The following MAP2K1 variants were observed in gnomAD, a reference collection of about 807,000 sequenced individuals.
The protein encoded by MAP2K1 is dual specificity mitogen-activated protein kinase kinase 1.
Under a neutral mutation model 46.3 loss-of-function variants are expected in MAP2K1, and 16 were observed. The observed-to-expected ratio is 0.35, with a 90% CI of 0.23 to 0.52. The LOEUF (loss-of-function observed/expected upper bound fraction) is 0.52. MAP2K1 is among the 20% of genes least tolerant of loss of function. MAP2K1 has a pLI of 0.94. For synonymous variants in MAP2K1, 183 were observed against 185.6 expected (o/e 0.99, Z 0.11); for missense variants, 263 against 497.1 (o/e 0.53, Z 4.48).
intron 1 of MAP2K1, 119 bp from the exon 2 acceptor site, chr15:66,434,908 C>T (rs118145095): frequency 1.1e-4 from 89 of 795,064 alleles, no homozygotes; most frequent in Non-Finnish European, 2.0e-4. Context: ...CCTCTCTAGC[C>T]TCCCACTTTG....
At chr15:66,422,393 A>G (rs758167393) in intron 1 of MAP2K1, among the ~76,000 whole-genome samples, 3 of 152,320 alleles carry the variant, frequency 2.0e-5, no homozygotes, top group Non-Finnish European at 4.4e-5. Context: ...CTGTAAGGCA[A>G]TAATCATGAA....
intron 2 of MAP2K1, 81 bp from the exon 3 acceptor site, chr15:66,436,665 A>G (rs1209176206): frequency 1.4e-6 from 2 of 1,388,828 alleles, no homozygotes; most frequent in East Asian, 4.6e-5. Context: ...TAAAGAGCTT[A>G]AACATTTAAC....
chr15:66,407,056 T>TC (rs2093399149), intron 1 of MAP2K1, among the ~76,000 whole-genome samples: 1 of 151,978 alleles, frequency 6.6e-6, no homozygotes, highest in Non-Finnish European at 1.5e-5. Flanking sequence ...CCCCAGGAGC[T>TC]CTGACACAGG....
intron 5 of MAP2K1, among the ~76,000 whole-genome samples, chr15:66,461,433 C>T (rs773816710): frequency 1.1e-4 from 16 of 151,290 alleles, no homozygotes; most frequent in African/African-American, 3.6e-4. Flanking sequence ...GTCAAGATTG[C>T]GCCACTGCAC....
At chr15:66,420,763 G>GTGTATATATGTGTATATATATA (rs2093437203) in intron 1 of MAP2K1, among the ~76,000 whole-genome samples, 1 of 43,656 alleles carries the variant, frequency 2.3e-5, no homozygotes, top group African/African-American at 6.5e-5. Flanking sequence ...GTGTGTGTAT[G>GTGTATATATGTGTATATATATA]TGTGTATATA....
intron 1 of MAP2K1, among the ~76,000 whole-genome samples, chr15:66,392,255 G>GGTTTTTTTTTTT (rs2093357912): frequency 7.2e-5 from 7 of 97,758 alleles, no homozygotes; most frequent in African/African-American, 3.2e-4. Flanking sequence ...TTTTTTTTGG[G>GGTTTTTTTTTTT]TTTTTTTTTT....
chr15:66,398,051 A>G (rs1395029561), intron 1 of MAP2K1, among the ~76,000 whole-genome samples: 1 of 151,558 alleles, frequency 6.6e-6, no homozygotes, highest in Non-Finnish European at 1.5e-5. Context: ...GCAGTGAGCC[A>G]AGAGCATGCC....
At chr15:66,428,925 A>G (rs1459327555) in intron 1 of MAP2K1, among the ~76,000 whole-genome samples, 1 of 151,694 alleles carries the variant, frequency 6.6e-6, no homozygotes, top group African/African-American at 2.4e-5. Context: ...GATTACAAGC[A>G]CACGCCACCA....
intron 1 of MAP2K1, among the ~76,000 whole-genome samples, chr15:66,421,409 G>A (rs1377747077): frequency 1.3e-5 from 2 of 151,790 alleles, no homozygotes; most frequent in African/African-American, 4.8e-5. Flanking sequence ...CAGGATTACA[G>A]GTTTGAGCCA....
intron 5 of MAP2K1, among the ~76,000 whole-genome samples, chr15:66,452,304 G>GAA (rs767435065): frequency 0.48 from 63,042 of 131,622 alleles, 15,914 homozygotes; most frequent in African/African-American, 0.64. Context: ...AAAAAAAAAA[G>GAA]AAAAAAAAAA....
In MAP2K1 at chr15:66,400,741, A is replaced by G. The variant is rs529864475; in HGVS notation, c.80+13314A>G. Reference sequence around the variant, plus strand: ...AAATAGCAGGTGTTTTCTGAATCCCATGAAGGGCCAAAAGCTAAAAGTGCT... The same window carrying G: ...AAATAGCAGGTGTTTTCTGAATCCCGTGAAGGGCCAAAAGCTAAAAGTGCT... On this transcript the variant is annotated intron_variant, in intron 1 of 10. Transcript: ENST00000307102. Among the ~76,000 whole-genome samples the G allele has an allele frequency of 3.4e-4, 52 of 152,262 alleles. No individual in the cohort carries two copies. The South Asian group carries it at 9.7e-3, about 29-fold the overall frequency.
intron 9 of MAP2K1, chr15:66,489,517 C>A (rs1182872246): frequency 1.5e-6 from 1 of 672,024 alleles, no homozygotes; most frequent in Non-Finnish European, 2.7e-6. Context: ...GGGATTGGCA[C>A]GTTGCTTTTT....
chr15:66,395,626 G>A (rs1020994711), intron 1 of MAP2K1, among the ~76,000 whole-genome samples: 5 of 146,686 alleles, frequency 3.4e-5, no homozygotes, highest in African/African-American at 1.3e-4. Flanking sequence ...CCAGGCTAGA[G>A]TGTGCAGTCA....
intron 1 of MAP2K1, among the ~76,000 whole-genome samples, chr15:66,394,994 A>G (rs1044475758): frequency 7.9e-5 from 12 of 152,086 alleles, no homozygotes; most frequent in African/African-American, 2.9e-4. Context: ...AATATATGGG[A>G]CTCTTGTTTG....
chr15:66,435,209 A>G lies in MAP2K1; in HGVS notation c.263A>G (p.Lys88Arg), dbSNP rs762354445. The G allele has an allele frequency of 1.2e-6, 2 of 1,614,058 alleles. No homozygotes were observed. Among genetic ancestry groups the G allele is most frequent in the Non-Finnish European group, 1.7e-6 (2 of 1,180,022 alleles). Residue 88 changes from lysine to arginine, a missense_variant, in exon 2 of 11, where the codon AAG becomes AGG. Transcript: ENST00000307102. ...NGGVVFKVSH[K>R]PSGLVMARKL... Reference sequence around the variant, plus strand: ...GGTGTGGTGTTCAAGGTCTCCCACAAGCCTTCTGGCCTGGTCATGGCCAGA... The same window carrying G: ...GGTGTGGTGTTCAAGGTCTCCCACAGGCCTTCTGGCCTGGTCATGGCCAGA...
At chr15:66,421,378 C>G (rs79977325) in intron 1 of MAP2K1, among the ~76,000 whole-genome samples, 1 of 151,642 alleles carries the variant, frequency 6.6e-6, no homozygotes, top group Non-Finnish European at 1.5e-5. Context: ...TCAAGCGATC[C>G]GCTTTGGCCT....
intron 4 of MAP2K1, among the ~76,000 whole-genome samples, chr15:66,443,954 G>C (rs996108416): frequency 2.6e-5 from 4 of 151,146 alleles, no homozygotes; most frequent in African/African-American, 9.7e-5. Flanking sequence ...TAAAAAATAA[G>C]GGGCTGGGCG....
chr15:66,488,081 C>T (rs1893106083), intron 8 of MAP2K1, among the ~76,000 whole-genome samples: 1 of 151,466 alleles, frequency 6.6e-6, no homozygotes, highest in African/African-American at 2.4e-5. Context: ...ACCTCCCATT[C>T]TTACCTCCTA....
At chr15:66,396,015 G>A (rs1386301209) in intron 1 of MAP2K1, among the ~76,000 whole-genome samples, 1 of 151,890 alleles carries the variant, frequency 6.6e-6, no homozygotes, top group South Asian at 2.1e-4. Context: ...TTTTTGTTTT[G>A]TTTTGTTTTT....
Sources: gnomAD v4.1 joint callset for allele counts (sites outside exome capture counted in the v4.1 genomes callset) on GRCh38, gnomAD v4.1.1 for gene constraint, MANE v1.5 for transcripts, NCBI Gene and HGNC (gene_info 2026-07-23, HGNC 2026-07-21) for gene names.